The following EPB41 variants were observed in gnomAD, a reference collection of about 807,000 sequenced individuals.
The protein encoded by EPB41 is erythrocyte membrane protein band 4.1.
EPB41 carries 65 observed loss-of-function variants against 108.0 expected under a neutral mutation model. The ratio of observed to expected loss-of-function variants is 0.60; its 90% CI spans 0.49 to 0.74. The LOEUF (loss-of-function observed/expected upper bound fraction) is 0.74. Ranked by LOEUF, EPB41 falls within the 30% of genes least tolerant of loss-of-function variation. The probability of loss-of-function intolerance (pLI) is 0.00; values close to 1 mark genes in which losing one functional copy is unlikely to be tolerated. For missense variants in EPB41, 875 were observed against 1,037.0 expected (o/e 0.84, Z 2.15); for synonymous variants, 336 against 358.9 (o/e 0.94, Z 0.72).
At chr1:29,024,490 G>A (rs902676184) in intron 7 of EPB41, among the ~76,000 whole-genome samples, 11 of 151,426 alleles carry the variant, frequency 7.3e-5, no homozygotes, top group Non-Finnish European at 1.6e-4. Context: ...AAAATTAGCC[G>A]GGCTTGGTGG....
chr1:28,998,282 T>C (rs1436485444), intron 4 of EPB41, among the ~76,000 whole-genome samples: 2 of 152,112 alleles, frequency 1.3e-5, no homozygotes, highest in African/African-American at 4.8e-5. Flanking sequence ...GTTGAGAGAC[T>C]GACAGTTCAG....
Position 29,013,390 on chromosome 1 carries a change from A to G in EPB41, c.829+1483A>G, listed in dbSNP as rs531513579. Among the ~76,000 whole-genome samples, 6 of 152,242 alleles carry G rather than the reference A, an allele frequency of 3.9e-5. No homozygotes were observed. In the South Asian group the frequency reaches 6.2e-4, roughly 16 times the overall value. ...AACATGGGGGAAAAAAACAAAACAA[A>G]ACAAGAAAAACACCATGTCCCTCAC... On this transcript the variant is annotated intron_variant, in intron 5 of 20. Transcript: ENST00000343067.
intron 12 of EPB41, among the ~76,000 whole-genome samples, chr1:29,057,037 C>A (rs1558179109): frequency 6.6e-6 from 1 of 152,006 alleles, no homozygotes; most frequent in East Asian, 1.9e-4. Context: ...GTAAAAAAAA[C>A]TTGTTAATGA....
chr1:28,965,513 A>C (rs2095335390), intron 1 of EPB41, among the ~76,000 whole-genome samples: 1 of 152,190 alleles, frequency 6.6e-6, no homozygotes, highest in African/African-American at 2.4e-5. Context: ...ACACAGAATG[A>C]GGTAACAGGG....
rs2150067652 is a variant in EPB41, at chr1:29,018,721, AT to A, written c.1124+281del. On this transcript the variant is annotated intron_variant, in intron 7 of 20. Transcript: ENST00000343067. This position sits in a 1 kb window ranked among gnomAD's most constrained non-coding sequence, Gnocchi z 4.4. ...CAGTGCTCAGCAAATGGCAGCTATT[AT>A]TATTTTTGTTTCCTTACCTTTTATT... Among the ~76,000 whole-genome samples, 1 of 152,226 alleles carries A rather than the reference AT, an allele frequency of 6.6e-6. No individual in the cohort carries two copies. Among genetic ancestry groups the A allele is most frequent in the South Asian group, 2.1e-4 (1 of 4,818 alleles).
intron 1 of EPB41, among the ~76,000 whole-genome samples, chr1:28,935,620 C>G (rs900657119): frequency 2.6e-4 from 40 of 151,894 alleles, no homozygotes; most frequent in Non-Finnish European, 4.6e-4. Flanking sequence ...GGTAATCTCT[C>G]TCCTTAAGAG....
rs71586876 is a variant in EPB41 at position 28,967,013 on chromosome 1, C to CTTTTTTT, written c.-7-20401_-7-20395dup. Among the ~76,000 whole-genome samples, 35 of 85,390 alleles carry CTTTTTTT rather than the reference C, an allele frequency of 4.1e-4. 1 individual carries two copies. Among genetic ancestry groups the CTTTTTTT allele is most frequent in the African/African-American group, 4.7e-4 (10 of 21,246 alleles). 56.0% of individuals were successfully genotyped at this position (85,390 alleles called of 152,430 possible). ...TATAAAGATAGATTCATATGAGAAC[C>CTTTTTTT]TTTTTTTTTTTTTTTTTTTTTTTGA... On this transcript the variant is annotated intron_variant, in intron 1 of 20. Coordinates refer to ENST00000343067, the MANE Select transcript of EPB41 (RefSeq NM_001376013.1).
chr1:29,045,813 A>T (rs1414207602), intron 11 of EPB41, among the ~76,000 whole-genome samples: 1 of 149,100 alleles, frequency 6.7e-6, no homozygotes, highest in Admixed American at 6.6e-5. Flanking sequence ...TCTCTAAAAA[A>T]AAAAAAAAAA....
chr1:29,086,940 C>A, intron 16 of EPB41, among the ~76,000 whole-genome samples: 1 of 98,546 alleles, frequency 1.0e-5, no homozygotes, highest in African/African-American at 4.0e-5. Flanking sequence ...AACTGTGGTT[C>A]TTTTTTTTTT....
At chr1:28,976,607 G>A (rs921495499) in intron 1 of EPB41, among the ~76,000 whole-genome samples, 18 of 152,108 alleles carry the variant, frequency 1.2e-4, no homozygotes, top group African/African-American at 4.3e-4. Flanking sequence ...TCCTGCCTTG[G>A]CCTCCCAAAG....
At chr1:29,114,628 ACTCCGT>A (rs1194248052) in intron 19 of EPB41, among the ~76,000 whole-genome samples, 1 of 120,180 alleles carries the variant, frequency 8.3e-6, no homozygotes, top group African/African-American at 3.2e-5. Context: ...GGGCAGTGAG[ACTCCGT>A]CTAAAAAAAA....
Position 29,084,932 on chromosome 1 carries a change from A to G in EPB41, c.2185-12875A>G, listed in dbSNP as rs1480297747. On this transcript the variant is annotated intron_variant, in intron 16 of 20. Coordinates refer to ENST00000343067, the MANE Select transcript of EPB41 (RefSeq NM_001376013.1). ...AGGAAGCCCAATTTTAGTTAAATCCATAGGCTTGGCCCACTTCAGGAGTTC... is the reference window on the plus strand; with the variant it reads ...AGGAAGCCCAATTTTAGTTAAATCCGTAGGCTTGGCCCACTTCAGGAGTTC... Among the ~76,000 whole-genome samples, 3 of 152,162 alleles carry G rather than the reference A, an allele frequency of 2.0e-5. No homozygotes were observed. In the East Asian group the frequency reaches 5.8e-4, roughly 29 times the overall value.
chr1:29,046,407 G>A (rs1396739108), intron 11 of EPB41, among the ~76,000 whole-genome samples: 1 of 152,138 alleles, frequency 6.6e-6, no homozygotes, highest in Non-Finnish European at 1.5e-5. Flanking sequence ...GATTACAAGC[G>A]TGAGCCACCA....
intron 7 of EPB41, among the ~76,000 whole-genome samples, chr1:29,020,805 G>A (rs571333349): frequency 1.3e-4 from 20 of 152,154 alleles, no homozygotes; most frequent in South Asian, 2.1e-4. Context: ...CTATAGGTGT[G>A]TGCTACCATG....
Position 29,119,967 on chromosome 1 carries a change from G to A in EPB41, c.*3155G>A, listed in dbSNP as rs994910184. The A allele has an allele frequency of 1.3e-5, 2 of 152,592 alleles. No homozygotes were observed. The highest frequency in any genetic ancestry group is 2.9e-5 in the Non-Finnish European group (2 of 68,036). The allele number at this position is 152,592 out of a possible 1,614,324, so 9.5% of individuals were successfully genotyped here. A position where few individuals can be genotyped will look rare whatever the true frequency, so the allele number is the denominator to read the frequency against. On this transcript the variant is annotated 3_prime_UTR_variant, in exon 21 of 21. Transcript: ENST00000343067. ...TGTTTTGGCCTTTCGTAGTAGAAGT[G>A]GTTGTAGTGTTTAGATATCTGTTTG...
At chr1:29,036,561 G>A (rs1028385321) in intron 10 of EPB41, among the ~76,000 whole-genome samples, 2 of 151,484 alleles carry the variant, frequency 1.3e-5, no homozygotes, top group East Asian at 2.0e-4. Context: ...GTGCCCGGAC[G>A]GAATTTTTAT....
chr1:29,058,601 C>A lies in EPB41; in HGVS notation c.1858C>A (p.His620Asn). The change falls in exon 13 of 21, where the codon CAC (histidine) becomes AAC (asparagine). Residue 620 changes from histidine (H) to asparagine (N), a missense_variant. By Grantham distance (68) the His-to-Asn change is moderately conservative (BLOSUM62 1). This residue lies in a region of EPB41 where 519 missense variants were observed against 627.3 expected (regional missense o/e 0.83). Transcript: ENST00000343067. ...TTCTTAAATGTAGGTGGAAAAAACC[C>A]ACATCGAGGTGACAGTACCCACCTC... ...PTEAWKVEKT[H>N]IEVTVPTSNG... 1 of 1,613,582 alleles carries A rather than the reference C, an allele frequency of 6.2e-7. No homozygotes were observed. Among genetic ancestry groups the A allele is most frequent in the Non-Finnish European group, 8.5e-7 (1 of 1,179,754 alleles).
At chr1:28,900,142 G>C (rs1332867657) in intron 1 of EPB41, among the ~76,000 whole-genome samples, 1 of 152,164 alleles carries the variant, frequency 6.6e-6, no homozygotes, top group Non-Finnish European at 1.5e-5. Flanking sequence ...GGAAGGACTT[G>C]AGAAATGTAC....
At chr1:28,940,321 A>T (rs544795119) in intron 1 of EPB41, among the ~76,000 whole-genome samples, 3 of 152,362 alleles carry the variant, frequency 2.0e-5, no homozygotes, top group African/African-American at 7.2e-5. Context: ...GAAATGGTTG[A>T]AGTAACCAGT....
Sources: gnomAD v4.1 joint callset for allele counts (sites outside exome capture counted in the v4.1 genomes callset) on GRCh38, gnomAD v4.1.1 for gene constraint, gnomAD v4.1.1 regional missense constraint, Gnocchi (gnomAD v3.1) non-coding constraint, MANE v1.5 for transcripts, NCBI Gene and HGNC (gene_info 2026-07-23, HGNC 2026-07-21) for gene names.